GRM4: variants seen among roughly 807,000 people sequenced by gnomAD.
The protein encoded by GRM4 is metabotropic glutamate receptor 4.
A neutral mutation model predicts 81.7 loss-of-function variants in GRM4; 28 were observed. That is an observed-to-expected ratio of 0.34 (90% CI 0.25 to 0.47). GRM4 has a LOEUF of 0.47. GRM4 is among the 20% of genes least tolerant of loss of function. The pLI is 1.00. For missense variants in GRM4, 948 were observed against 1,290.0 expected (o/e 0.73, Z 4.06); for synonymous variants, 488 against 528.8 (o/e 0.92, Z 1.06).
At chr6:34,103,433 G>A (rs188816187) in intron 2 of GRM4, 84 of 654,616 alleles carry the variant, frequency 1.3e-4, no homozygotes, top group African/African-American at 1.2e-3. Context: ...CAAAGGAGGC[G>A]GCTCGATGCA....
chr6:34,056,580 C>T lies in GRM4; in HGVS notation c.1132G>A (p.Ala378Thr). The change falls in exon 6 of 11, where the codon GCC (alanine) becomes ACC (threonine). Residue 378 changes from alanine (A) to threonine (T), a missense_variant. Transcript: ENST00000538487. ...TTGACGTGGCTGCCCTTCTTGAGGG[C>T]GTGGCGGCTCAGCTTGCAGTGGAAG... ...DNFHCKLSRHALKKGSHVKKC... is the reference protein window; with the variant it reads ...DNFHCKLSRHTLKKGSHVKKC... 6.2e-7 allele frequency: 1 copy of T among 1,613,292 alleles called. No individual in the cohort carries two copies. Among genetic ancestry groups the T allele is most frequent in the Non-Finnish European group, 8.5e-7 (1 of 1,179,876 alleles).
chr6:34,040,881 C>T, intron 6 of GRM4, 133 bp from the exon 7 acceptor site: 1 of 707,810 alleles, frequency 1.4e-6, no homozygotes, highest in East Asian at 2.6e-5. Flanking sequence ...GGCCTCCTGA[C>T]TCCCAGCCCA....
rs1765403775 is a variant in GRM4 at position 34,047,270 on chromosome 6, TG to T, written c.1169-6523del. On this transcript the variant is annotated intron_variant, in intron 6 of 10. Transcript: ENST00000538487. This position sits in a 1 kb window ranked among gnomAD's most constrained non-coding sequence, Gnocchi z 4.5. Reference sequence around the variant, plus strand: ...ATCCTGTCTGCAGCCTGGCTGGCACTGGCTCTAGTGCTGATTCTCCCCACTC... The same window carrying T: ...ATCCTGTCTGCAGCCTGGCTGGCACTGCTCTAGTGCTGATTCTCCCCACTC... Among the ~76,000 whole-genome samples the T allele has an allele frequency of 6.6e-6, 1 of 152,110 alleles. No homozygotes were observed. The highest frequency in any genetic ancestry group is 2.4e-5 in the African/African-American group (1 of 41,410).
chr6:34,116,682 C>A (rs1052407471), intron 2 of GRM4, among the ~76,000 whole-genome samples: 1 of 152,124 alleles, frequency 6.6e-6, no homozygotes. Context: ...GAGAAACGAG[C>A]GTTTACATCC....
rs1770179083 is a variant in GRM4 at position 34,130,104 on chromosome 6, C to T, written c.519+2874G>A. ...CTCCCTCACCCTCTCCTTCCCGAGG[C>T]TCCTGCTCCCGACCTCCCTCCCCAA... On this transcript the variant is annotated intron_variant, in intron 2 of 10. Transcript: ENST00000538487. The surrounding 1 kb of genome is among the most constrained non-coding windows in gnomAD (Gnocchi z 4.1). Among the ~76,000 whole-genome samples the T allele has an allele frequency of 6.6e-6, 1 of 152,212 alleles. No individual in the cohort carries two copies. The highest frequency in any genetic ancestry group is 2.1e-4 in the South Asian group (1 of 4,826).
intron 2 of GRM4, among the ~76,000 whole-genome samples, chr6:34,123,058 C>A (rs1329821207): frequency 3.9e-5 from 6 of 152,172 alleles, no homozygotes; most frequent in Non-Finnish European, 5.9e-5. Flanking sequence ...CCTGCCTAAT[C>A]CTGTGCTCTC....
chr6:34,078,022 C>T lies in GRM4; in HGVS notation c.736+13861G>A, dbSNP rs1767405476. On this transcript the variant is annotated intron_variant, in intron 3 of 10. Transcript: ENST00000538487. The surrounding 1 kb of genome is among the most constrained non-coding windows in gnomAD (Gnocchi z 4.8). ...TCACTGTCACTGACTCAGCAACCTCCAGTGCCAGGAGCTGTCCTAGATTCT... is the reference window on the plus strand; with the variant it reads ...TCACTGTCACTGACTCAGCAACCTCTAGTGCCAGGAGCTGTCCTAGATTCT... Among the ~76,000 whole-genome samples, 1 of 152,170 alleles carries T rather than the reference C, an allele frequency of 6.6e-6. No individual in the cohort carries two copies. Among genetic ancestry groups the T allele is most frequent in the Non-Finnish European group, 1.5e-5 (1 of 68,032 alleles).
chr6:34,027,641 G>A (rs536527676), intron 10 of GRM4, among the ~76,000 whole-genome samples: 4 of 152,266 alleles, frequency 2.6e-5, no homozygotes, highest in South Asian at 4.1e-4. Flanking sequence ...GCTCAGGGCC[G>A]CTCCCACCCC....
chr6:34,109,005 C>T (rs1769254188), intron 2 of GRM4, among the ~76,000 whole-genome samples: 2 of 152,298 alleles, frequency 1.3e-5, no homozygotes, highest in Admixed American at 1.3e-4. Flanking sequence ...CAGCCCTTCC[C>T]AGTAGGAATT....
chr6:34,149,797 A>G (rs1226149699), upstream of GRM4, among the ~76,000 whole-genome samples: 2 of 152,334 alleles, frequency 1.3e-5, no homozygotes, highest in Admixed American at 6.5e-5. Flanking sequence ...GCTTGGAGTA[A>G]TAACTTGACT....
At chr6:34,103,473 G>T in intron 2 of GRM4, 1 of 830,078 alleles carries the variant, frequency 1.2e-6, no homozygotes, top group Non-Finnish European at 1.9e-6. Flanking sequence ...AGATAAGAGC[G>T]CCCGAGAGAG....
In GRM4 at chr6:34,069,195, C is replaced by CAT. The variant is rs1766658802; in HGVS notation, c.737-7168_737-7167insAT. Reference sequence around the variant, plus strand: ...ACACACACACACACACACACACACACACACACACACGCACGCACACACGGC... The same window carrying CAT: ...ACACACACACACACACACACACACACATACACACACACGCACGCACACACGGC... On this transcript the variant is annotated intron_variant, in intron 3 of 10. Transcript: ENST00000538487. This position sits in a 1 kb window ranked among gnomAD's most constrained non-coding sequence, Gnocchi z 6.4. 6.9e-6 allele frequency among the ~76,000 whole-genome samples: 1 copy of CAT among 144,604 alleles called. No homozygotes were observed. The highest frequency in any genetic ancestry group is 6.8e-5 in the Admixed American group (1 of 14,642). 94.9% of individuals were successfully genotyped at this position (144,604 alleles called of 152,430 possible). A position where few individuals can be genotyped will look rare whatever the true frequency, so the allele number is the denominator to read the frequency against.
At chr6:34,155,193 T>C in exon 1 of GRM4, 1 of 1,535,600 alleles carries the variant, frequency 6.5e-7, no homozygotes, top group Non-Finnish European at 8.7e-7. Context: ...CCTGCTCTCC[T>C]GGCAGGGAGG....
chr6:34,122,735 T>C (rs2127504913), intron 2 of GRM4, among the ~76,000 whole-genome samples: 1 of 151,868 alleles, frequency 6.6e-6, no homozygotes, highest in Non-Finnish European at 1.5e-5. Flanking sequence ...GGTTTGTCTG[T>C]CTGTCTGTCT....
Position 34,021,007 on chromosome 6 carries a change from A to T in GRM4, c.*1814T>A, listed in dbSNP as rs1763852962. The T allele has an allele frequency of 6.6e-6, 1 of 151,842 alleles. No homozygotes were observed. Among genetic ancestry groups the T allele is most frequent in the Non-Finnish European group, 1.5e-5 (1 of 68,026 alleles). The allele number at this position is 151,842 out of a possible 1,614,324, so 9.4% of individuals were successfully genotyped here. Reference sequence around the variant, plus strand: ...CAGGGCAGGAGGGGACGGCACAGGCAGCCCAGGCTCCAGCTGCTGCCTATG... The same window carrying T: ...CAGGGCAGGAGGGGACGGCACAGGCTGCCCAGGCTCCAGCTGCTGCCTATG... On this transcript the variant is annotated 3_prime_UTR_variant, in exon 11 of 11. Coordinates refer to ENST00000538487, the MANE Select transcript of GRM4 (RefSeq NM_000841.4). This position sits in a 1 kb window ranked among gnomAD's most constrained non-coding sequence, Gnocchi z 5.3.
chr6:34,044,361 CAG>C (rs201121660), intron 6 of GRM4, among the ~76,000 whole-genome samples: 2,406 of 150,380 alleles, frequency 0.016, 70 homozygotes, highest in African/African-American at 0.05. Flanking sequence ...CATATATACA[CAG>C]ACACACACAT....
rs1765088370 is a variant in GRM4 at position 34,042,960 on chromosome 6, C to T, written c.1169-2212G>A. Among the ~76,000 whole-genome samples, 1 of 152,204 alleles carries T rather than the reference C, an allele frequency of 6.6e-6. No individual in the cohort carries two copies. The highest frequency in any genetic ancestry group is 2.1e-4 in the South Asian group (1 of 4,838). ...GCCAGAACCACATCCCATTTTCAGC[C>T]TTCCTCAGGGTAGGTACTCAGATAT... On this transcript the variant is annotated intron_variant, in intron 6 of 10. Transcript: ENST00000538487. This position sits in a 1 kb window ranked among gnomAD's most constrained non-coding sequence, Gnocchi z 4.2.
In GRM4 at chr6:34,035,487, C is replaced by T. The variant is rs894532587; in HGVS notation, c.2442+181G>A. Among the ~76,000 whole-genome samples, 19 of 128,012 alleles carry T rather than the reference C, an allele frequency of 1.5e-4. No individual in the cohort carries two copies. Among genetic ancestry groups the T allele is most frequent in the African/African-American group, 7.2e-4 (18 of 24,832 alleles). 84.0% of individuals were successfully genotyped at this position (128,012 alleles called of 152,430 possible). A position where few individuals can be genotyped will look rare whatever the true frequency, so the allele number is the denominator to read the frequency against. On this transcript the variant is annotated intron_variant, in intron 9 of 10. Coordinates refer to ENST00000538487, the MANE Select transcript of GRM4 (RefSeq NM_000841.4). This position sits in a 1 kb window ranked among gnomAD's most constrained non-coding sequence, Gnocchi z 6.6. ...ACCCAGAACCCAGAGAGAAAACTTG[C>T]AGCTGGGAGAGAAGGCAGAATGAGG...
In GRM4 at chr6:34,136,920, A is replaced by C. The variant is rs1770481610; in HGVS notation, c.-363-3061T>G. On this transcript the variant is annotated intron_variant, in intron 1 of 10. Coordinates refer to ENST00000538487, the MANE Select transcript of GRM4 (RefSeq NM_000841.4). The surrounding 1 kb of genome is among the most constrained non-coding windows in gnomAD (Gnocchi z 4.1). Reference sequence around the variant, plus strand: ...ATGAGTGAAAGGAGCCACTGAGAGCAGAGGCAGGGTGTGGTGGGGTGGGTT... The same window carrying C: ...ATGAGTGAAAGGAGCCACTGAGAGCCGAGGCAGGGTGTGGTGGGGTGGGTT... Among the ~76,000 whole-genome samples, 1 of 141,268 alleles carries C rather than the reference A, an allele frequency of 7.1e-6. No individual in the cohort carries two copies. Among genetic ancestry groups the C allele is most frequent in the African/African-American group, 2.5e-5 (1 of 39,234 alleles). The allele number at this position is 141,268 out of a possible 152,430, so 92.7% of individuals were successfully genotyped here.
Sources: allele counts gnomAD v4.1 joint callset (sites outside exome capture counted in the v4.1 genomes callset), GRCh38; gene constraint gnomAD v4.1.1; non-coding constraint Gnocchi (gnomAD v3.1); transcripts MANE v1.5; gene names NCBI Gene and HGNC (gene_info 2026-07-23, HGNC 2026-07-21).